Variants in ASIP observed in about 807,000 individuals in gnomAD.
ASIP encodes the protein agouti-signaling protein.
A neutral mutation model predicts 10.3 loss-of-function variants in ASIP; 11 were observed. The ratio of observed to expected loss-of-function variants is 1.07; its 90% CI spans 0.68 to 1.78. The LOEUF (loss-of-function observed/expected upper bound fraction) is 1.78. Ranked by LOEUF, ASIP falls within the 40% of genes most tolerant of loss-of-function variation. The probability of loss-of-function intolerance (pLI) is 0.00; values close to 1 mark genes in which losing one functional copy is unlikely to be tolerated. For missense variants in ASIP, 180 were observed against 169.2 expected (o/e 1.06, Z -0.35); for synonymous variants, 70 against 70.8 (o/e 0.99, Z 0.06).
intron 1 of ASIP, among the ~76,000 whole-genome samples, chr20:34,222,074 C>T (rs1013265695): frequency 3.3e-5 from 5 of 152,118 alleles, no homozygotes; most frequent in Non-Finnish European, 4.4e-5. Context: ...TGTGCCACTG[C>T]ACTCCAGCCT....
chr20:34,260,259 C>G (rs1266956011), intron 1 of ASIP, 106 bp from the exon 2 acceptor site: 2 of 1,183,642 alleles, frequency 1.7e-6, no homozygotes, highest in Non-Finnish European at 2.4e-6. Context: ...AGGACACTTG[C>G]CTAACAGGGT....
intron 1 of ASIP, among the ~76,000 whole-genome samples, chr20:34,198,239 G>A (rs143609997): frequency 0.012 from 1,834 of 151,878 alleles, 32 homozygotes; most frequent in African/African-American, 0.042. Flanking sequence ...ACAGCTACAT[G>A]CCACCACACC....
At chr20:34,187,399 T>C in the ASIP span, among the ~76,000 whole-genome samples, 1 of 151,980 alleles carries the variant, frequency 6.6e-6, no homozygotes, top group African/African-American at 2.4e-5. Context: ...GCCTCTAAAG[T>C]TCTTCTCAGA....
At chr20:34,215,350 G>A in intron 1 of ASIP, 1 of 1,573,528 alleles carries the variant, frequency 6.4e-7, no homozygotes, top group South Asian at 1.1e-5. Flanking sequence ...CACCAGATTT[G>A]GAATGCACTG....
At chr20:34,217,387 GACATCTCGCC>G (rs1335426183) in intron 1 of ASIP, among the ~76,000 whole-genome samples, 1 of 150,966 alleles carries the variant, frequency 6.6e-6, no homozygotes, top group Non-Finnish European at 1.5e-5. Flanking sequence ...GCAGTGAGCC[GACATCTCGCC>G]ACTGCACTCC....
At chr20:34,261,371 C>A (rs1254465161) in intron 2 of ASIP, among the ~76,000 whole-genome samples, 2 of 152,190 alleles carry the variant, frequency 1.3e-5, no homozygotes, top group African/African-American at 2.4e-5. Flanking sequence ...ACGTGGCATG[C>A]ACCTGTAATC....
At chr20:34,254,134 C>T (rs1290795950) in intron 1 of ASIP, among the ~76,000 whole-genome samples, 2 of 152,190 alleles carry the variant, frequency 1.3e-5, no homozygotes, top group African/African-American at 4.8e-5. Context: ...ACAATCTTTG[C>T]TCACTGCAAC....
At chr20:34,226,206 C>A in intron 1 of ASIP, among the ~76,000 whole-genome samples, 1 of 152,118 alleles carries the variant, frequency 6.6e-6, no homozygotes, top group East Asian at 1.9e-4. Flanking sequence ...TGACGTGTAC[C>A]TACTTTAGAA....
chr20:34,266,028 G>A (rs1209484485), intron 3 of ASIP, among the ~76,000 whole-genome samples: 2 of 151,846 alleles, frequency 1.3e-5, no homozygotes, highest in Non-Finnish European at 2.9e-5. Flanking sequence ...GCCTACCAAA[G>A]GCTCTAAATT....
At chr20:34,266,594 A>G (rs545506829) in intron 3 of ASIP, among the ~76,000 whole-genome samples, 3 of 150,622 alleles carry the variant, frequency 2.0e-5, no homozygotes, top group Non-Finnish European at 4.4e-5. Flanking sequence ...AATCACTGGA[A>G]CCCGGGAGAT....
chr20:34,223,546 G>A lies in ASIP; in HGVS notation c.-11+28786G>A, dbSNP rs1383030694. ...CAGCCGTGCCATCCGGGAGGGAGGT[G>A]GGGGGGTCAGCCCCCCGCCTGGCCA... On this transcript the variant is annotated intron_variant, in intron 1 of 3. Transcript: ENST00000568305. Among the ~76,000 whole-genome samples, 5 of 123,230 alleles carry A rather than the reference G, an allele frequency of 4.1e-5. No individual in the cohort carries two copies. In the East Asian group the frequency reaches 6.1e-4, roughly 15 times the overall value. 80.8% of individuals were successfully genotyped at this position (123,230 alleles called of 152,430 possible). A position where few individuals can be genotyped will look rare whatever the true frequency, so the allele number is the denominator to read the frequency against.
intron 1 of ASIP, among the ~76,000 whole-genome samples, chr20:34,254,358 C>T (rs150393037): frequency 4.0e-4 from 61 of 152,312 alleles, no homozygotes; most frequent in African/African-American, 1.4e-3. Context: ...CCACAGGGCC[C>T]GGCCTAGCAT....
At chr20:34,251,827 A>C (rs1251969605) in intron 1 of ASIP, among the ~76,000 whole-genome samples, 1 of 152,192 alleles carries the variant, frequency 6.6e-6, no homozygotes, top group African/African-American at 2.4e-5. Flanking sequence ...TTGTGAGATT[A>C]GAGAGATGAT....
the ASIP span, among the ~76,000 whole-genome samples, chr20:34,187,696 C>T: frequency 3.9e-5 from 6 of 152,116 alleles, no homozygotes; most frequent in Admixed American, 2.0e-4. Flanking sequence ...CCTAGAGTGC[C>T]TTTTGGATAT....
chr20:34,203,432 CTG>C (rs1252471950), intron 1 of ASIP, among the ~76,000 whole-genome samples: 1 of 121,250 alleles, frequency 8.2e-6, no homozygotes, highest in Non-Finnish European at 1.8e-5. Context: ...CGGTTTCACT[CTG>C]TCACTCAAGC....
chr20:34,210,048 A>G (rs1329438548), intron 1 of ASIP, among the ~76,000 whole-genome samples: 1 of 152,214 alleles, frequency 6.6e-6, no homozygotes, highest in African/African-American at 2.4e-5. Flanking sequence ...TGCCCACTCC[A>G]GGGCCTCCTC....
chr20:34,255,688 G>A (rs2035555438), intron 1 of ASIP, among the ~76,000 whole-genome samples: 2 of 152,164 alleles, frequency 1.3e-5, no homozygotes, highest in Non-Finnish European at 2.9e-5. Flanking sequence ...ACAGAGATAG[G>A]AGCTGAAGGG....
intron 1 of ASIP, among the ~76,000 whole-genome samples, chr20:34,218,660 A>G (rs1414269649): frequency 2.6e-5 from 4 of 151,890 alleles, no homozygotes; most frequent in Non-Finnish European, 5.9e-5. Context: ...GTAGCAAGGG[A>G]AAAGGAGCAT....
At chr20:34,203,617 GA>G (rs2034915414) in intron 1 of ASIP, among the ~76,000 whole-genome samples, 2 of 151,922 alleles carry the variant, frequency 1.3e-5, no homozygotes, top group African/African-American at 4.8e-5. Flanking sequence ...GGCTGGTCTC[GA>G]ACGCCTAACT....
Sources: gnomAD v4.1 joint callset for allele counts (sites outside exome capture counted in the v4.1 genomes callset) on GRCh38, gnomAD v4.1.1 for gene constraint, MANE v1.5 for transcripts, NCBI Gene and HGNC (gene_info 2026-07-23, HGNC 2026-07-21) for gene names.